Variants in GALNT17 observed in about 807,000 individuals in gnomAD.
The protein encoded by GALNT17 is polypeptide N-acetylgalactosaminyltransferase 17.
Under a neutral mutation model 63.7 loss-of-function variants are expected in GALNT17, and 29 were observed. The observed-to-expected ratio is 0.46, with a 90% confidence interval of 0.34 to 0.62. The LOEUF (loss-of-function observed/expected upper bound fraction) is 0.62, where lower values mean the gene tolerates loss of function less well. GALNT17 is among the 20% of genes least tolerant of loss of function. The pLI, the probability that GALNT17 is intolerant of heterozygous loss-of-function variation, is 0.01. For synonymous variants in GALNT17, 305 were observed against 318.3 expected, an observed-to-expected ratio of 0.96 and a Z score of 0.45; for missense variants, 603 against 799.6, an observed-to-expected ratio of 0.75 and a Z score of 2.97.
At chr7:71,648,639 G>C (rs1159978175) in intron 6 of GALNT17, among the ~76,000 whole-genome samples, 1 of 151,974 alleles carries the variant, frequency 6.6e-6, no homozygotes, top group Non-Finnish European at 1.5e-5. Flanking sequence ...ATCTTGCTAT[G>C]TTGCCCAGGC....
At chr7:71,639,852 G>C (rs905500244) in intron 6 of GALNT17, among the ~76,000 whole-genome samples, 5 of 152,114 alleles carry the variant, frequency 3.3e-5, no homozygotes, top group Non-Finnish European at 5.9e-5. Context: ...TCAGAGGGGG[G>C]TGAGCTCTGA....
At chr7:71,666,333 A>G (rs1391913305) in intron 7 of GALNT17, among the ~76,000 whole-genome samples, 2 of 148,358 alleles carry the variant, frequency 1.3e-5, no homozygotes, top group South Asian at 2.1e-4. Context: ...TATAAAATAT[A>G]TATTTATATA....
At chr7:71,170,712 G>A (rs1410476410) in intron 1 of GALNT17, among the ~76,000 whole-genome samples, 4 of 152,110 alleles carry the variant, frequency 2.6e-5, no homozygotes, top group Admixed American at 6.6e-5. Flanking sequence ...GATAAGGGAT[G>A]CTTGATATTT....
chr7:71,224,962 T>G (rs1789653981), intron 1 of GALNT17, among the ~76,000 whole-genome samples: 1 of 152,178 alleles, frequency 6.6e-6, no homozygotes, highest in Non-Finnish European at 1.5e-5. Context: ...CTAACCAGCA[T>G]AAACTCATTA....
At chr7:71,425,949 A>C (rs1214590865) in intron 5 of GALNT17, among the ~76,000 whole-genome samples, 1 of 152,204 alleles carries the variant, frequency 6.6e-6, no homozygotes, top group Admixed American at 6.5e-5. Flanking sequence ...AAGGGGAAGC[A>C]GGCACGTATT....
chr7:71,660,207 A>G (rs901575840), intron 6 of GALNT17, among the ~76,000 whole-genome samples: 4 of 152,024 alleles, frequency 2.6e-5, no homozygotes, highest in East Asian at 1.9e-4. Flanking sequence ...CTGGAGGCCC[A>G]TATCCATTTA....
At chr7:71,540,864 G>T (rs1175995842) in intron 5 of GALNT17, among the ~76,000 whole-genome samples, 1 of 152,042 alleles carries the variant, frequency 6.6e-6, no homozygotes, top group African/African-American at 2.4e-5. Flanking sequence ...GCTGCTTTAG[G>T]TCTGCTTCTC....
chr7:71,532,194 T>C (rs6460662), intron 5 of GALNT17, among the ~76,000 whole-genome samples: 131,495 of 152,084 alleles, frequency 0.86, 57,284 homozygotes, highest in African/African-American at 0.92. Context: ...TGACTTTGAG[T>C]CTCCTGCTTG....
intron 1 of GALNT17, among the ~76,000 whole-genome samples, chr7:71,219,309 C>G (rs1469610503): frequency 6.6e-6 from 1 of 152,210 alleles, no homozygotes; most frequent in Non-Finnish European, 1.5e-5. Flanking sequence ...GAACCAGCCT[C>G]ATTCTAGCCT....
At chr7:71,679,096 G>C (rs1584131574) in intron 9 of GALNT17, among the ~76,000 whole-genome samples, 2 of 152,152 alleles carry the variant, frequency 1.3e-5, no homozygotes, top group East Asian at 3.9e-4. Flanking sequence ...TCCTCTCCCT[G>C]AAGGTTCTCT....
At chr7:71,314,200 T>C (rs1791460712) in intron 1 of GALNT17, among the ~76,000 whole-genome samples, 1 of 152,110 alleles carries the variant, frequency 6.6e-6, no homozygotes, top group African/African-American at 2.4e-5. Context: ...GGAAAAGTTA[T>C]AGTGGTTAAT....
chr7:71,412,072 C>G (rs1413210180), intron 3 of GALNT17, among the ~76,000 whole-genome samples: 2 of 152,190 alleles, frequency 1.3e-5, no homozygotes, highest in Non-Finnish European at 2.9e-5. Flanking sequence ...TCCTTGGAGT[C>G]CCGTCTGTAC....
At chr7:71,703,269 G>T (rs1791677520) in intron 9 of GALNT17, among the ~76,000 whole-genome samples, 1 of 152,198 alleles carries the variant, frequency 6.6e-6, no homozygotes, top group Non-Finnish European at 1.5e-5. Context: ...AAGAAAAGAG[G>T]TTTAATTGGC....
Position 71,522,460 on chromosome 7 carries a change from C to T in GALNT17, c.963-48825C>T, listed in dbSNP as rs535993613. On this transcript the variant is annotated intron_variant, in intron 5 of 10. Coordinates refer to ENST00000333538, the MANE Select transcript of GALNT17 (RefSeq NM_022479.3). ...GTGGAAGTCAAGGAGGAGCAAGTCA[C>T]GTTTTACATGGATGGCAGCAGGCAA... Among the ~76,000 whole-genome samples the T allele has an allele frequency of 6.6e-5, 10 of 152,266 alleles. No individual in the cohort carries two copies. The East Asian group carries it at 7.7e-4, about 12-fold the overall frequency.
At chr7:71,621,501 A>T (rs13246797) in intron 6 of GALNT17, among the ~76,000 whole-genome samples, 1 of 42,484 alleles carries the variant, frequency 2.4e-5, no homozygotes, top group Non-Finnish European at 9.3e-5. Flanking sequence ...ATTGATGGAT[A>T]GATGGATGGA....
chr7:71,661,989 C>G (rs2117039413), intron 6 of GALNT17, among the ~76,000 whole-genome samples: 1 of 152,276 alleles, frequency 6.6e-6, no homozygotes, highest in East Asian at 1.9e-4. Context: ...CATATGGCTC[C>G]TCCATCCTCT....
At chr7:71,134,838 T>TG (rs1787752432) in intron 1 of GALNT17, among the ~76,000 whole-genome samples, 1 of 19,946 alleles carries the variant, frequency 5.0e-5, no homozygotes, top group Non-Finnish European at 1.1e-4. Context: ...TTTTATGGTT[T>TG]TTTTTTTTTT....
chr7:71,490,272 A>C (rs539314504), intron 5 of GALNT17, among the ~76,000 whole-genome samples: 88 of 148,902 alleles, frequency 5.9e-4, no homozygotes, highest in African/African-American at 2.0e-3. Flanking sequence ...AAAAAAAAAG[A>C]AGCATGATCT....
At chr7:71,586,722 A>G (rs1482129655) in intron 6 of GALNT17, among the ~76,000 whole-genome samples, 1 of 150,244 alleles carries the variant, frequency 6.7e-6, no homozygotes, top group African/African-American at 2.5e-5. Flanking sequence ...GGATTCTTTT[A>G]TTTATTTATT....
Sources: allele counts gnomAD v4.1 joint callset (sites outside exome capture counted in the v4.1 genomes callset), GRCh38; gene constraint gnomAD v4.1.1; transcripts MANE v1.5; gene names NCBI Gene and HGNC (gene_info 2026-07-23, HGNC 2026-07-21).